ANTXR2: variants seen among roughly 807,000 people sequenced by gnomAD.
ANTXR2 encodes the protein ANTXR cell adhesion molecule 2, also known as anthrax toxin receptor 2.
ANTXR2 carries 44 observed loss-of-function variants against 73.7 expected under a neutral mutation model. The observed-to-expected ratio is 0.60, with a 90% CI of 0.47 to 0.77. ANTXR2 has a LOEUF of 0.77. Ranked by LOEUF, ANTXR2 falls within the 30% of genes least tolerant of loss-of-function variation. The pLI, the probability that ANTXR2 is intolerant of heterozygous loss-of-function variation, is 0.00. For missense variants in ANTXR2, 604 were observed against 592.5 expected (o/e 1.02, Z -0.20); for synonymous variants, 217 against 205.9 (o/e 1.05, Z -0.46).
intron 3 of ANTXR2, among the ~76,000 whole-genome samples, chr4:80,057,909 A>T (rs1734069387): frequency 6.6e-6 from 1 of 152,126 alleles, no homozygotes; most frequent in African/African-American, 2.4e-5. Context: ...TAAAAAAATT[A>T]TAATTCCAAG....
At chr4:79,935,887 C>T (rs1269356008) in intron 16 of ANTXR2, among the ~76,000 whole-genome samples, 1 of 152,146 alleles carries the variant, frequency 6.6e-6, no homozygotes, top group Non-Finnish European at 1.5e-5. Flanking sequence ...TATTGTGGTC[C>T]AGCTGTTGCA....
At chr4:79,937,599 A>T (rs565936963) in intron 16 of ANTXR2, among the ~76,000 whole-genome samples, 2 of 152,344 alleles carry the variant, frequency 1.3e-5, no homozygotes, top group South Asian at 4.1e-4. Flanking sequence ...TAAACTAGAA[A>T]TAAATAAATC....
chr4:80,051,198 T>C (rs1205064072), intron 7 of ANTXR2, among the ~76,000 whole-genome samples: 2 of 151,790 alleles, frequency 1.3e-5, no homozygotes, highest in Admixed American at 6.6e-5. Flanking sequence ...TATTGGCATT[T>C]AACACCAATT....
rs1013008817 is a variant in ANTXR2, at chr4:79,904,968, C to A, written c.*2461G>T. Reference sequence around the variant, plus strand: ...GCTAGTTAGTATAATTGGAGAAAAGCATAAAACAGATCTGGTTCATATCTT... The same window carrying A: ...GCTAGTTAGTATAATTGGAGAAAAGAATAAAACAGATCTGGTTCATATCTT... On this transcript the variant is annotated 3_prime_UTR_variant, in exon 17 of 17. Transcript: ENST00000403729. The A allele has an allele frequency of 2.0e-5, 3 of 152,024 alleles. No individual in the cohort carries two copies. The highest frequency in any genetic ancestry group is 7.2e-5 in the African/African-American group (3 of 41,408). The allele number at this position is 152,024 out of a possible 1,614,324, so 9.4% of individuals were successfully genotyped here. A position where few individuals can be genotyped will look rare whatever the true frequency, so the allele number is the denominator to read the frequency against.
intron 12 of ANTXR2, among the ~76,000 whole-genome samples, chr4:80,002,746 T>C (rs1012058474): frequency 2.6e-5 from 4 of 151,698 alleles, no homozygotes; most frequent in African/African-American, 9.7e-5. Flanking sequence ...AAAAAGTGGG[T>C]GAAGGACATG....
chr4:79,932,602 G>A (rs1052248511), intron 16 of ANTXR2, among the ~76,000 whole-genome samples: 15 of 151,632 alleles, frequency 9.9e-5, no homozygotes, highest in South Asian at 6.2e-4. Context: ...GACCAGCCTC[G>A]TCAACATGGT....
At chr4:79,964,924 C>T (rs999227732) in intron 16 of ANTXR2, 2 of 152,254 alleles carry the variant, frequency 1.3e-5, no homozygotes, top group Non-Finnish European at 2.9e-5. Context: ...CCGCGGACCC[C>T]GCCACCTCTG....
chr4:80,058,006 T>C (rs1162289719), intron 3 of ANTXR2, among the ~76,000 whole-genome samples: 1 of 152,080 alleles, frequency 6.6e-6, no homozygotes, highest in South Asian at 2.1e-4. Flanking sequence ...TGAAACTGAT[T>C]GTGTCTGAAT....
chr4:79,910,657 A>C (rs149045094), intron 16 of ANTXR2, among the ~76,000 whole-genome samples: 1 of 152,328 alleles, frequency 6.6e-6, no homozygotes, highest in African/African-American at 2.4e-5. Context: ...GAACAAGTGA[A>C]TGGATGGATG....
intron 12 of ANTXR2, among the ~76,000 whole-genome samples, chr4:80,004,347 G>A (rs1319505385): frequency 6.6e-5 from 10 of 151,932 alleles, no homozygotes; most frequent in Non-Finnish European, 2.9e-5. Flanking sequence ...GATAATATAG[G>A]TTTCTTCTTG....
At chr4:79,975,989 T>G (rs567426412) in intron 16 of ANTXR2, among the ~76,000 whole-genome samples, 61 of 150,664 alleles carry the variant, frequency 4.0e-4, no homozygotes, top group Middle Eastern at 3.5e-3. Context: ...CTCGGCTCAC[T>G]GCAAGCTCCG....
chr4:80,010,046 GT>G (rs11303326), intron 11 of ANTXR2, among the ~76,000 whole-genome samples: 110,488 of 147,894 alleles, frequency 0.75, 41,405 homozygotes, highest in East Asian at 0.94. Flanking sequence ...TTGTTTTGTG[GT>G]TTTTTTTTTT....
intron 3 of ANTXR2, among the ~76,000 whole-genome samples, chr4:80,063,812 A>G (rs928258172): frequency 6.6e-6 from 1 of 152,180 alleles, no homozygotes; most frequent in African/African-American, 2.4e-5. Flanking sequence ...TTATAGTATC[A>G]TCAATTGATA....
chr4:79,931,822 A>C (rs1222835628), intron 16 of ANTXR2, among the ~76,000 whole-genome samples: 1 of 152,234 alleles, frequency 6.6e-6, no homozygotes. Flanking sequence ...CTTAGAAATA[A>C]TACTAAATGT....
chr4:80,028,895 A>C (rs1260953397), intron 10 of ANTXR2, among the ~76,000 whole-genome samples: 2 of 152,164 alleles, frequency 1.3e-5, no homozygotes, highest in African/African-American at 4.8e-5. Flanking sequence ...AAGTAAAATA[A>C]ATAATGATGT....
At chr4:79,951,128 T>C (rs1728685831) in intron 16 of ANTXR2, among the ~76,000 whole-genome samples, 1 of 152,244 alleles carries the variant, frequency 6.6e-6, no homozygotes, top group Admixed American at 6.5e-5. Flanking sequence ...CTTGTTTTCA[T>C]GAAGTCTTAG....
chr4:80,056,100 C>A, intron 3 of ANTXR2, 87 bp from the exon 4 acceptor site: 2 of 852,172 alleles, frequency 2.3e-6, no homozygotes, highest in Non-Finnish European at 3.4e-6. Flanking sequence ...AGTATTGTAA[C>A]TAAGCTTTCT....
intron 16 of ANTXR2, among the ~76,000 whole-genome samples, chr4:79,966,867 A>G (rs1027704515): frequency 2.0e-5 from 3 of 152,148 alleles, no homozygotes; most frequent in African/African-American, 7.2e-5. Context: ...TTTGTCAATC[A>G]AGATATTTAC....
chr4:80,072,211 A>G (rs192257567), intron 1 of ANTXR2, among the ~76,000 whole-genome samples, 198 bp downstream of exon 1: 82 of 152,246 alleles, frequency 5.4e-4, no homozygotes, highest in African/African-American at 1.9e-3. Context: ...CGGGGCTCCA[A>G]TCACTACCCC....
Sources: allele counts gnomAD v4.1 joint callset (sites outside exome capture counted in the v4.1 genomes callset), GRCh38; gene constraint gnomAD v4.1.1; transcripts MANE v1.5; gene names NCBI Gene and HGNC (gene_info 2026-07-23, HGNC 2026-07-21).